WIPF3: variants seen among roughly 807,000 people sequenced by gnomAD.
WIPF3 encodes the protein WAS/WASL interacting protein family member 3, also known as WAS/WASL-interacting protein family member 3.
WIPF3 carries 33 observed loss-of-function variants against 38.9 expected under a neutral mutation model. The observed-to-expected ratio is 0.85, with a 90% CI of 0.64 to 1.14. The LOEUF is 1.14. Ranked by LOEUF, WIPF3 falls within the 50% of genes most tolerant of loss-of-function variation. The pLI is 0.00. For synonymous variants in WIPF3, 324 were observed against 269.3 expected, an observed-to-expected ratio of 1.20 and a Z score of -1.99; for missense variants, 711 against 652.5, an observed-to-expected ratio of 1.09 and a Z score of -0.98.
At chr7:29,827,492 T>A (rs1784634834) in intron 1 of WIPF3, among the ~76,000 whole-genome samples, 1 of 152,206 alleles carries the variant, frequency 6.6e-6, no homozygotes, top group Non-Finnish European at 1.5e-5. Flanking sequence ...TTGTTCCTTG[T>A]TTGCACGTGG....
intron 7 of WIPF3, among the ~76,000 whole-genome samples, chr7:29,902,528 G>GA (rs35806223): frequency 4.6e-5 from 7 of 152,004 alleles, no homozygotes; most frequent in Non-Finnish European, 7.4e-5. Flanking sequence ...TAGAAAAGTT[G>GA]AAAAAATATT....
At chr7:29,829,563 T>C (rs1204770186) in intron 1 of WIPF3, among the ~76,000 whole-genome samples, 1 of 152,222 alleles carries the variant, frequency 6.6e-6, no homozygotes, top group Non-Finnish European at 1.5e-5. Flanking sequence ...TGATGATAAG[T>C]GTCACTTCCA....
At chr7:29,902,792 G>A (rs1786313870) in intron 7 of WIPF3, among the ~76,000 whole-genome samples, 1 of 151,592 alleles carries the variant, frequency 6.6e-6, no homozygotes, top group African/African-American at 2.4e-5. Flanking sequence ...AGTGAGTTGA[G>A]ATAGCACCAC....
chr7:29,844,421 AAC>A lies in WIPF3; in HGVS notation c.90+9609_90+9610del. Among the ~76,000 whole-genome samples the A allele has an allele frequency of 6.6e-6, 1 of 152,368 alleles. No homozygotes were observed. Among genetic ancestry groups the A allele is most frequent in the African/African-American group, 2.4e-5 (1 of 41,594 alleles). On this transcript the variant is annotated intron_variant, in intron 2 of 8. Transcript: ENST00000242140. This position sits in a 1 kb window ranked among gnomAD's most constrained non-coding sequence, Gnocchi z 4.8. ...CCCCCAAGTACTGTGTTAAGCACTTAACATGGATTGTCTAAATTATCTAAATA... is the reference window on the plus strand; with the variant it reads ...CCCCCAAGTACTGTGTTAAGCACTTAATGGATTGTCTAAATTATCTAAATA...
chr7:29,837,799 T>C (rs974343177), intron 2 of WIPF3, among the ~76,000 whole-genome samples: 1 of 152,228 alleles, frequency 6.6e-6, no homozygotes, highest in African/African-American at 2.4e-5. Context: ...TATGATTAGA[T>C]TGAAGAAATG....
rs1785791570 is a variant in WIPF3, at chr7:29,884,138, T to C, written c.644T>C (p.Val215Ala). The C allele has an allele frequency of 1.3e-6, 2 of 1,525,568 alleles. No homozygotes were observed. Among genetic ancestry groups the C allele is most frequent in the East Asian group, 5.0e-5 (2 of 39,836 alleles). 94.5% of individuals were successfully genotyped at this position (1,525,568 alleles called of 1,614,324 possible). A position where few individuals can be genotyped will look rare whatever the true frequency, so the allele number is the denominator to read the frequency against. ...GPLTKGNLPVVAPPVPCAPPP... is the reference protein window; with the variant it reads ...GPLTKGNLPVAAPPVPCAPPP... ...CTGACCAAAGGGAACCTCCCGGTGGTTGCACCCCCCGTCCCCTGTGCGCCA... is the reference window on the plus strand; with the variant it reads ...CTGACCAAAGGGAACCTCCCGGTGGCTGCACCCCCCGTCCCCTGTGCGCCA... The change falls in exon 5 of 9, where the codon GTT (valine) becomes GCT (alanine). Residue 215 changes from valine (V) to alanine (A), a missense_variant. By Grantham distance (64) the Val-to-Ala change is moderately conservative. Transcript: ENST00000242140.
At chr7:29,846,229 T>C (rs1784998119) in intron 2 of WIPF3, among the ~76,000 whole-genome samples, 1 of 152,208 alleles carries the variant, frequency 6.6e-6, no homozygotes, top group Non-Finnish European at 1.5e-5. Flanking sequence ...ATAGACCCTG[T>C]GCCTTTTGCT....
intron 2 of WIPF3, among the ~76,000 whole-genome samples, chr7:29,875,394 C>T (rs1785568242): frequency 6.6e-6 from 1 of 152,086 alleles, no homozygotes. Flanking sequence ...GATGACAGGG[C>T]ACAGGAGCAA....
chr7:29,885,312 T>G (rs1785851187), intron 5 of WIPF3, among the ~76,000 whole-genome samples: 3 of 152,200 alleles, frequency 2.0e-5, no homozygotes, highest in Admixed American at 6.5e-5. Flanking sequence ...GAATGGAAAG[T>G]ACCTCCACAC....
chr7:29,808,236 T>C (rs984911111), intron 1 of WIPF3, among the ~76,000 whole-genome samples: 1 of 152,218 alleles, frequency 6.6e-6, no homozygotes, highest in African/African-American at 2.4e-5. Flanking sequence ...TTCCAGCTAA[T>C]GCATTTCAAA....
chr7:29,884,361 T>TCCCCCCCCCCCCCCCCCCCCC lies in WIPF3; in HGVS notation c.870_871insCCCCCCCCCCCCCCCCCCCCC (p.Pro290_Ala291insProProProProProProPro). 5 of 1,317,928 alleles carry TCCCCCCCCCCCCCCCCCCCCC rather than the reference T, an allele frequency of 3.8e-6. No homozygotes were observed. The highest frequency in any genetic ancestry group is 2.9e-6 in the Non-Finnish European group (3 of 1,017,962). 81.6% of individuals were successfully genotyped at this position (1,317,928 alleles called of 1,614,324 possible). A position where few individuals can be genotyped will look rare whatever the true frequency, so the allele number is the denominator to read the frequency against. ...GCCCTGCGCAAGATGCGCAGGAGCCTCCCGCCCCGCCGCCCCCGCTCCCCC... is the reference window on the plus strand; with the variant it reads ...GCCCTGCGCAAGATGCGCAGGAGCCTCCCCCCCCCCCCCCCCCCCCCCCCGCCCCGCCGCCCCCGCTCCCCC... On this transcript the variant is annotated inframe_insertion, in exon 5 of 9. Transcript: ENST00000242140.
chr7:29,910,929 A>T (rs1786494160), intron 8 of WIPF3, among the ~76,000 whole-genome samples: 1 of 152,202 alleles, frequency 6.6e-6, no homozygotes, highest in Non-Finnish European at 1.5e-5. Context: ...AAAGTTGGGC[A>T]AGAAAAAGAA....
chr7:29,814,698 G>A (rs1240152778), intron 1 of WIPF3, among the ~76,000 whole-genome samples: 1 of 152,230 alleles, frequency 6.6e-6, no homozygotes, highest in African/African-American at 2.4e-5. Context: ...GTGAAGAGTT[G>A]TTTTGGGGGA....
chr7:29,879,172 G>T (rs755091675), intron 4 of WIPF3, 32 bp downstream of exon 4: 3 of 1,598,404 alleles, frequency 1.9e-6, no homozygotes, highest in Non-Finnish European at 2.6e-6. Flanking sequence ...CTCCCTTGTG[G>T]TCTGTATCTC....
At chr7:29,889,272 C>A (rs1295757656) in intron 6 of WIPF3, 34 bp from the exon 7 acceptor site, 1 of 1,561,162 alleles carries the variant, frequency 6.4e-7, no homozygotes. Flanking sequence ...ATGACAGTAA[C>A]CTGAGTAACT....
chr7:29,847,072 T>C (rs1034264331), intron 2 of WIPF3, among the ~76,000 whole-genome samples: 5 of 152,230 alleles, frequency 3.3e-5, no homozygotes, highest in Non-Finnish European at 5.9e-5. Flanking sequence ...TTTAATGCCC[T>C]GAACAGGAGT....
At chr7:29,870,818 G>A (rs1221887159) in intron 2 of WIPF3, among the ~76,000 whole-genome samples, 2 of 152,118 alleles carry the variant, frequency 1.3e-5, no homozygotes, top group Admixed American at 6.5e-5. Flanking sequence ...TTAGCTGGGC[G>A]TGGTGGTGTG....
At position 29,871,974 on chromosome 7, in the gene WIPF3, C is replaced by G. The variant is rs114460756; in HGVS notation, c.91-3856C>G. On this transcript the variant is annotated intron_variant, in intron 2 of 8. Coordinates refer to ENST00000242140, the MANE Select transcript of WIPF3 (RefSeq NM_001080529.3). ...GAGTCAACAAAAGCTTTATGTGAAA[C>G]CCAACAAATTGTCACTACTCAAGCA... Among the ~76,000 whole-genome samples, 691 of 152,256 alleles carry G rather than the reference C, an allele frequency of 4.5e-3. 6 individuals carry two copies. Among genetic ancestry groups the G allele is most frequent in the African/African-American group, 0.016 (665 of 41,552 alleles).
intron 4 of WIPF3, among the ~76,000 whole-genome samples, chr7:29,880,094 A>G (rs1272828617): frequency 6.6e-6 from 1 of 152,214 alleles, no homozygotes; most frequent in East Asian, 1.9e-4. Context: ...AGTGGGCATC[A>G]GATGTTTTGA....
Sources: gnomAD v4.1 joint callset for allele counts (sites outside exome capture counted in the v4.1 genomes callset) on GRCh38, gnomAD v4.1.1 for gene constraint, Gnocchi (gnomAD v3.1) non-coding constraint, MANE v1.5 for transcripts, NCBI Gene and HGNC (gene_info 2026-07-23, HGNC 2026-07-21) for gene names.